The following ARHGAP6 variants were observed in gnomAD, a reference collection of about 807,000 sequenced individuals.
ARHGAP6 encodes rho GTPase-activating protein 6.
In ARHGAP6, 16 loss-of-function variants were observed where a neutral mutation model predicts 55.7. That is an observed-to-expected ratio of 0.29 (90% confidence interval 0.19 to 0.44). The LOEUF is 0.44. Ranked by LOEUF, ARHGAP6 falls within the 20% of genes least tolerant of loss-of-function variation. The probability of loss-of-function intolerance (pLI) is 1.00; values close to 1 mark genes in which losing one functional copy is unlikely to be tolerated. For missense variants in ARHGAP6, 698 were observed against 808.9 expected (o/e 0.86, Z 1.66); for synonymous variants, 382 against 360.9 (o/e 1.06, Z -0.66).
rs187280112 is a variant in ARHGAP6, at chrX:11,298,408, C to T, written c.589-43701G>A. ...AAATTTAGTTTGTAAAAAATCATAT[C>T]TGTGTACACAGTTACAAATTTTTGC... On this transcript the variant is annotated intron_variant, in intron 1 of 12. Transcript: ENST00000337414. 9.1e-5 allele frequency: 102 copies of T among 1,116,292 alleles called. 1 individual carries two copies. The Admixed American group carries it at 2.2e-3, about 24-fold the overall frequency. The allele number at this position is 1,116,292 out of a possible 1,213,427, so 92.0% of individuals were successfully genotyped here.
At chrX:11,514,266 T>C (rs755522215) in intron 1 of ARHGAP6, among the ~76,000 whole-genome samples, 3 of 107,615 alleles carry the variant, frequency 2.8e-5, no homozygotes, top group Non-Finnish European at 5.8e-5. Context: ...CTACCTCACC[T>C]AAAATACTTG....
intron 1 of ARHGAP6, among the ~76,000 whole-genome samples, chrX:11,526,145 C>T (rs1026995317): frequency 2.7e-5 from 3 of 111,491 alleles, no homozygotes; most frequent in East Asian, 2.8e-4. Context: ...GAAAGTGAGA[C>T]GAGGAAGGGA....
intron 1 of ARHGAP6, among the ~76,000 whole-genome samples, chrX:11,441,700 A>T (rs1415899631): frequency 8.9e-6 from 1 of 111,968 alleles, no homozygotes; most frequent in Non-Finnish European, 1.9e-5. Flanking sequence ...CACAAAATCG[A>T]GAGTCATGAG....
chrX:11,623,588 T>G (rs1441568111), intron 1 of ARHGAP6, among the ~76,000 whole-genome samples: 1 of 106,642 alleles, frequency 9.4e-6, no homozygotes, highest in Non-Finnish European at 1.9e-5. Context: ...TCCCAGCTAC[T>G]CAGGAGGCTG....
chrX:11,517,879 T>C (rs990550970), intron 1 of ARHGAP6, among the ~76,000 whole-genome samples: 5 of 110,930 alleles, frequency 4.5e-5, no homozygotes, highest in African/African-American at 1.6e-4. Context: ...CTGGGCTTAA[T>C]ACCTAGATGA....
chrX:11,642,392 A>T (rs1241434600), intron 1 of ARHGAP6, among the ~76,000 whole-genome samples: 1 of 112,152 alleles, frequency 8.9e-6, no homozygotes, highest in African/African-American at 3.2e-5. Flanking sequence ...CCTAAGCAAT[A>T]AATTTGTTTA....
At chrX:11,435,545 A>G (rs1431955473) in intron 1 of ARHGAP6, among the ~76,000 whole-genome samples, 1 of 111,950 alleles carries the variant, frequency 8.9e-6, no homozygotes, top group Non-Finnish European at 1.9e-5. Flanking sequence ...CCCAGAGCCT[A>G]CTTGCACAAT....
intron 1 of ARHGAP6, among the ~76,000 whole-genome samples, chrX:11,554,464 T>C (rs1034961515): frequency 3.6e-5 from 4 of 112,051 alleles, no homozygotes; most frequent in South Asian, 7.4e-4. Flanking sequence ...TCCCAACACA[T>C]AGAGATCATA....
chrX:11,170,265 T>C (rs2046071889), intron 8 of ARHGAP6, among the ~76,000 whole-genome samples: 1 of 111,677 alleles, frequency 9.0e-6, no homozygotes, highest in African/African-American at 3.3e-5. Flanking sequence ...GGCGGAAGCA[T>C]TTGCACAAAC....
intron 1 of ARHGAP6, among the ~76,000 whole-genome samples, chrX:11,472,845 G>C (rs912115331): frequency 9.0e-6 from 1 of 110,733 alleles, no homozygotes; most frequent in Admixed American, 9.6e-5. Flanking sequence ...TCTCCTTTAG[G>C]TGTCTGCCAA....
intron 1 of ARHGAP6, among the ~76,000 whole-genome samples, chrX:11,330,687 T>C (rs1296689770): frequency 4.5e-5 from 5 of 111,849 alleles, no homozygotes; most frequent in East Asian, 2.8e-4. Flanking sequence ...ATTGCTCCCA[T>C]TTCACAGATA....
rs180808340 is a variant in ARHGAP6, at chrX:11,197,213, C to T, written c.749-217G>A. Among the ~76,000 whole-genome samples, 5 of 111,610 alleles carry T rather than the reference C, an allele frequency of 4.5e-5. No individual in the cohort carries two copies. The East Asian group carries it at 1.4e-3, about 31-fold the overall frequency. On this transcript the variant is annotated intron_variant, in intron 2 of 12. Coordinates refer to ENST00000337414, the MANE Select transcript of ARHGAP6 (RefSeq NM_013427.3). ...GTATATTCTTGAATTTCCTTTCAGT[C>T]ATGGAATGATAGGAAACTTACCTCA... is the stretch of plus-strand genomic sequence containing the variant.
chrX:11,525,412 G>A (rs1348331833), intron 1 of ARHGAP6, among the ~76,000 whole-genome samples: 1 of 112,043 alleles, frequency 8.9e-6, no homozygotes, highest in Non-Finnish European at 1.9e-5. Context: ...TTTCAACTCT[G>A]CAATTGACAC....
intron 1 of ARHGAP6, among the ~76,000 whole-genome samples, chrX:11,526,190 AC>A (rs1416378206): frequency 9.0e-6 from 1 of 111,366 alleles, no homozygotes; most frequent in East Asian, 2.8e-4. Context: ...TGAGCTGGTG[AC>A]TACTGTGGGC....
intron 2 of ARHGAP6, among the ~76,000 whole-genome samples, chrX:11,217,218 T>C (rs1262888381): frequency 8.9e-6 from 1 of 112,021 alleles, no homozygotes; most frequent in Non-Finnish European, 1.9e-5. Context: ...TATAATCCTT[T>C]GGGTATATAT....
rs2052744543 is a variant in ARHGAP6 at position 11,665,234 on chromosome X, C to T, written c.-406G>A. ...GCTCCTGCTCGCTGGCTCTGGATGG[C>T]CTCTAAGACTCCAGCAAGCTCCTCC... On this transcript the variant is annotated 5_prime_UTR_variant, in exon 1 of 13. Coordinates refer to ENST00000337414, the MANE Select transcript of ARHGAP6 (RefSeq NM_013427.3). The T allele has an allele frequency of 7.6e-6, 1 of 131,387 alleles. No individual in the cohort carries two copies. The allele number at this position is 131,387 out of a possible 1,213,427, so 10.8% of individuals were successfully genotyped here. A position where few individuals can be genotyped will look rare whatever the true frequency, so the allele number is the denominator to read the frequency against.
At chrX:11,159,211 T>C (rs2045906084) in intron 9 of ARHGAP6, among the ~76,000 whole-genome samples, 1 of 111,356 alleles carries the variant, frequency 9.0e-6, no homozygotes, top group Non-Finnish European at 1.9e-5. Flanking sequence ...TCATGGAGTC[T>C]TATGGGTCAT....
intron 1 of ARHGAP6, among the ~76,000 whole-genome samples, chrX:11,321,257 T>A (rs1037992977): frequency 2.7e-5 from 3 of 112,050 alleles, no homozygotes; most frequent in African/African-American, 9.7e-5. Context: ...GAAGAAATGG[T>A]AACAATTTCT....
At chrX:11,143,876 A>G (rs748246903) in intron 11 of ARHGAP6, 104 bp downstream of exon 11, 1 of 1,200,154 alleles carries the variant, frequency 8.3e-7, no homozygotes, top group Admixed American at 2.4e-5. Context: ...ACATCAAATA[A>G]GGGAGAGACG....
Sources: allele counts gnomAD v4.1 joint callset (sites outside exome capture counted in the v4.1 genomes callset), GRCh38; gene constraint gnomAD v4.1.1; transcripts MANE v1.5; gene names NCBI Gene and HGNC (gene_info 2026-07-23, HGNC 2026-07-21).